ESCO1: variants seen among roughly 807,000 people sequenced by gnomAD.
ESCO1 encodes the protein N-acetyltransferase ESCO1.
ESCO1 carries 33 observed loss-of-function variants against 83.5 expected under a neutral mutation model. That is an observed-to-expected ratio of 0.40 (90% CI 0.30 to 0.53). The LOEUF (loss-of-function observed/expected upper bound fraction) is 0.53. Among genes scored for constraint, ESCO1 ranks in the 20% least tolerant of loss-of-function variants. ESCO1 has a pLI of 0.63. For missense variants in ESCO1, 855 were observed against 968.0 expected (o/e 0.88, Z 1.55); for synonymous variants, 332 against 324.3 (o/e 1.02, Z -0.25).
At chr18:21,536,582 C>T (rs928634852) in intron 9 of ESCO1, among the ~76,000 whole-genome samples, 1 of 132,552 alleles carries the variant, frequency 7.5e-6, no homozygotes, top group Non-Finnish European at 1.7e-5. Context: ...CAGAGTGAGA[C>T]TCCATCTCAA....
chr18:21,592,600 A>G (rs1427938979), intron 1 of ESCO1, among the ~76,000 whole-genome samples: 6 of 113,110 alleles, frequency 5.3e-5, no homozygotes, highest in Admixed American at 8.9e-5. Flanking sequence ...GTGGGGCGGG[A>G]GGCTGACCCC....
chr18:21,550,663 C>G (rs1021157361), intron 8 of ESCO1, among the ~76,000 whole-genome samples: 3 of 152,174 alleles, frequency 2.0e-5, no homozygotes, highest in African/African-American at 4.8e-5. Context: ...AAATTCCACT[C>G]CACCTCTACA....
intron 8 of ESCO1, among the ~76,000 whole-genome samples, chr18:21,556,112 A>G (rs916599302): frequency 5.3e-5 from 8 of 151,918 alleles, no homozygotes; most frequent in African/African-American, 1.9e-4. Flanking sequence ...AAAATTAGCC[A>G]GGCATGGTGG....
chr18:21,542,988 C>CTTTA (rs1366236320), intron 8 of ESCO1, among the ~76,000 whole-genome samples: 1 of 152,158 alleles, frequency 6.6e-6, no homozygotes, highest in Non-Finnish European at 1.5e-5. Flanking sequence ...CACTTCTGAC[C>CTTTA]TTTAGCTCCA....
intron 9 of ESCO1, 56 bp downstream of exon 9, chr18:21,539,864 A>C (rs2037881656): frequency 2.7e-6 from 4 of 1,507,772 alleles, no homozygotes; most frequent in Non-Finnish European, 3.7e-6. Context: ...AAAAAAAAAA[A>C]AATTAACTGC....
intron 9 of ESCO1, 139 bp from the exon 10 acceptor site, chr18:21,536,324 T>C: frequency 1.0e-6 from 1 of 964,526 alleles, no homozygotes; most frequent in Non-Finnish European, 1.5e-6. Context: ...GTGTGGTGGT[T>C]CACACCTGTA....
At chr18:21,559,866 A>G (rs1387330657) in intron 8 of ESCO1, among the ~76,000 whole-genome samples, 1 of 152,202 alleles carries the variant, frequency 6.6e-6, no homozygotes, top group Admixed American at 6.5e-5. Flanking sequence ...GGATGACCAC[A>G]GGTAGAGAAC....
Position 21,536,085 on chromosome 18 carries a change from T to A in ESCO1, c.2144A>T (p.Asp715Val), listed in dbSNP as rs762231208. 24 of 1,614,142 alleles carry A rather than the reference T, an allele frequency of 1.5e-5. No homozygotes were observed. Among genetic ancestry groups the A allele is most frequent in the Non-Finnish European group, 2.0e-5 (24 of 1,179,996 alleles). ...AATTAGGCAGCCAACTACTTTTTTG[T>A]CATTGGAAATGAAGAGAAGTGTTTT... ...RTKTLLFISN[D>V]KKVVGCLIAE... The change falls in exon 10 of 12, where the codon GAC (aspartate) becomes GTC (valine). Residue 715 changes from aspartate (D) to valine (V), a missense_variant. Asp to Val is a radical substitution (Grantham distance 152). This residue lies in a region of ESCO1 where 129 missense variants were observed against 268.5 expected (regional missense o/e 0.48). Coordinates refer to ENST00000269214, the MANE Select transcript of ESCO1 (RefSeq NM_052911.3).
intron 8 of ESCO1, among the ~76,000 whole-genome samples, chr18:21,548,825 A>G (rs1272503456): frequency 6.6e-6 from 1 of 152,032 alleles, no homozygotes; most frequent in Non-Finnish European, 1.5e-5. Flanking sequence ...TTGTAGTCCC[A>G]GCTACTTGGG....
chr18:21,568,861 C>G (rs572820692), intron 4 of ESCO1, among the ~76,000 whole-genome samples: 1 of 151,384 alleles, frequency 6.6e-6, no homozygotes, highest in Admixed American at 6.6e-5. Flanking sequence ...CAGGATAGTG[C>G]CACTGCACTC....
At chr18:21,597,615 T>C (rs950354209) in intron 1 of ESCO1, among the ~76,000 whole-genome samples, 3 of 152,092 alleles carry the variant, frequency 2.0e-5, no homozygotes, top group Non-Finnish European at 4.4e-5. Context: ...TCAATAGATA[T>C]AAACCTATAT....
chr18:21,573,817 C>A lies in ESCO1; in HGVS notation c.1027G>T (p.Glu343Ter), dbSNP rs1265561827. 6.2e-7 allele frequency: 1 copy of A among 1,613,904 alleles called. No homozygotes were observed. The highest frequency in any genetic ancestry group is 8.5e-7 in the Non-Finnish European group (1 of 1,180,006). ...EEKPTEIKLE[E>*]TSVERQILHQ... is the part of the protein sequence containing the mutation. ...AGTATTTGTCTTTCAACACTGGTCT[C>A]TTCCAATTTTATTTCTGTGGGCTTT... Residue 343 changes from glutamate to a stop codon, truncating the protein, a stop_gained, in exon 4 of 12, where the codon GAG becomes TAG. Coordinates refer to ENST00000269214, the MANE Select transcript of ESCO1 (RefSeq NM_052911.3). LOFTEE classifies it high-confidence loss of function.
rs765675134 is a variant in ESCO1 at position 21,564,337 on chromosome 18, C to T, written c.1707-20G>A. Reference sequence around the variant, plus strand: ...GTCTCCCTTAAAAAAAATAAAATTACTAAATGTTACAGATCCAAGTCATTT... The same window carrying T: ...GTCTCCCTTAAAAAAAATAAAATTATTAAATGTTACAGATCCAAGTCATTT... On this transcript the variant is annotated intron_variant, in intron 6 of 11. Coordinates refer to ENST00000269214, the MANE Select transcript of ESCO1 (RefSeq NM_052911.3). 1.2e-5 allele frequency: 18 copies of T among 1,454,132 alleles called. No homozygotes were observed. The highest frequency in any genetic ancestry group is 1.7e-5 in the Non-Finnish European group (18 of 1,050,780). The allele number at this position is 1,454,132 out of a possible 1,614,324, so 90.1% of individuals were successfully genotyped here.
At chr18:21,585,960 TAC>T (rs1419841782) in intron 1 of ESCO1, among the ~76,000 whole-genome samples, 1 of 152,228 alleles carries the variant, frequency 6.6e-6, no homozygotes, top group African/African-American at 2.4e-5. Flanking sequence ...GACATTTTGA[TAC>T]AGACATACAA....
intron 1 of ESCO1, among the ~76,000 whole-genome samples, chr18:21,592,481 C>G (rs1390831127): frequency 6.7e-6 from 1 of 148,584 alleles, no homozygotes; most frequent in Non-Finnish European, 1.5e-5. Flanking sequence ...AGAGAGGCTC[C>G]TCACTTCCCA....
chr18:21,596,174 G>C (rs1178417047), intron 1 of ESCO1, among the ~76,000 whole-genome samples: 1 of 150,300 alleles, frequency 6.7e-6, no homozygotes, highest in Non-Finnish European at 1.5e-5. Context: ...AGATAACTTG[G>C]GCCCAGGAAT....
Position 21,574,932 on chromosome 18 carries a change from C to A in ESCO1, c.-89G>T. 1 of 998,420 alleles carries A rather than the reference C, an allele frequency of 1.0e-6. No individual in the cohort carries two copies. Among genetic ancestry groups the A allele is most frequent in the Non-Finnish European group, 1.4e-6 (1 of 702,366 alleles). The allele number at this position is 998,420 out of a possible 1,614,324, so 61.8% of individuals were successfully genotyped here. On this transcript the variant is annotated 5_prime_UTR_variant, in exon 4 of 12. Transcript: ENST00000269214. ...GAATGCTGACTAGCTAGTATTATTA[C>A]TGAGGAGCAGGTCTGAAAAATCAAC...
Position 21,575,219 on chromosome 18 carries a change from GTTAT to G in ESCO1, c.-380_-377del. The G allele has an allele frequency of 2.6e-6, 1 of 383,956 alleles. No individual in the cohort carries two copies. Among genetic ancestry groups the G allele is most frequent in the African/African-American group, 2.1e-5 (1 of 48,410 alleles). 23.8% of individuals were successfully genotyped at this position (383,956 alleles called of 1,614,324 possible). Reference sequence around the variant, plus strand: ...CAGGCCTAGCTCTATTACTGGAGGAGTTATTTATCAGTGACCTGTTTTGATAAAA... The same window carrying G: ...CAGGCCTAGCTCTATTACTGGAGGAGTTATCAGTGACCTGTTTTGATAAAA... On this transcript the variant is annotated 5_prime_UTR_variant, in exon 4 of 12. An upstream open reading frame in the 5' UTR loses its in-frame stop. Transcript: ENST00000269214.
In ESCO1 at chr18:21,573,481, T is replaced by C; in HGVS notation, c.1363A>G (p.Met455Val). ...DRNITCQQEK[M>V]KEINSEEVKI... ...ACTTCTTCAGAATTAATTTCTTTCA[T>C]TTTTTCCTGCTGGCAAGTTATATTT... The change falls in exon 4 of 12, where the codon ATG (methionine) becomes GTG (valine). Residue 455 changes from methionine (M) to valine (V), a missense_variant. By Grantham distance (21) the Met-to-Val change is conservative. Around this residue, in one of 2 missense-constraint regions of ESCO1, gnomAD observed 726 missense variants for 699.5 expected, o/e 1.04. Transcript: ENST00000269214. The C allele has an allele frequency of 6.2e-7, 1 of 1,611,966 alleles. No homozygotes were observed. Among genetic ancestry groups the C allele is most frequent in the Non-Finnish European group, 8.5e-7 (1 of 1,179,572 alleles).
Sources: gnomAD v4.1 joint callset for allele counts (sites outside exome capture counted in the v4.1 genomes callset) on GRCh38, gnomAD v4.1.1 for gene constraint, gnomAD v4.1.1 regional missense constraint, MANE v1.5 for transcripts, NCBI Gene and HGNC (gene_info 2026-07-23, HGNC 2026-07-21) for gene names.